CAMTA1: variants seen among roughly 807,000 people sequenced by gnomAD.
The protein encoded by CAMTA1 is calmodulin-binding transcription activator 1.
A neutral mutation model predicts 170.9 loss-of-function variants in CAMTA1; 27 were observed. The ratio of observed to expected loss-of-function variants is 0.16; its 90% CI spans 0.12 to 0.22. The LOEUF (loss-of-function observed/expected upper bound fraction) is 0.22. Among genes scored for constraint, CAMTA1 ranks in the 10% least tolerant of loss-of-function variants. CAMTA1 has a pLI of 1.00. For missense variants in CAMTA1, 1,619 were observed against 2,217.2 expected (o/e 0.73, Z 5.42); for synonymous variants, 833 against 891.5 (o/e 0.93, Z 1.17).
intron 6 of CAMTA1, among the ~76,000 whole-genome samples, chr1:7,597,422 G>A (rs77259728): frequency 4.2e-4 from 64 of 152,272 alleles, no homozygotes; most frequent in African/African-American, 1.5e-3. Flanking sequence ...CTCTGGCCCC[G>A]AGGCCTCCAC....
chr1:7,384,520 C>T (rs897728385), intron 5 of CAMTA1, among the ~76,000 whole-genome samples: 5 of 152,086 alleles, frequency 3.3e-5, no homozygotes, highest in African/African-American at 4.8e-5. Context: ...AATTTTTTGG[C>T]GAACAAGTAG....
chr1:7,511,524 T>TCTGTGG (rs1226579983), intron 6 of CAMTA1, among the ~76,000 whole-genome samples: 3 of 152,124 alleles, frequency 2.0e-5, no homozygotes, highest in Non-Finnish European at 4.4e-5. Flanking sequence ...CTGAGATATG[T>TCTGTGG]CTGTGGCTGT....
At chr1:7,424,412 A>T (rs1178958227) in intron 5 of CAMTA1, among the ~76,000 whole-genome samples, 3 of 138,376 alleles carry the variant, frequency 2.2e-5, no homozygotes, top group Non-Finnish European at 4.6e-5. Context: ...GGGGCCTTTC[A>T]TGAAGCAGCA....
intron 16 of CAMTA1, among the ~76,000 whole-genome samples, chr1:7,739,626 G>T (rs1196479693): frequency 6.6e-6 from 1 of 152,166 alleles, no homozygotes; most frequent in Admixed American, 6.5e-5. Context: ...TTATATGGTG[G>T]CAGGCAAGAG....
intron 3 of CAMTA1, among the ~76,000 whole-genome samples, chr1:6,959,827 T>C (rs1690073673): frequency 6.6e-6 from 1 of 152,158 alleles, no homozygotes. Context: ...AGGTCTGGCC[T>C]TCTGCAGCAC....
rs1371373629 is a variant in CAMTA1, at chr1:7,293,387, G to A, written c.438+43761G>A. 1.3e-5 allele frequency among the ~76,000 whole-genome samples: 2 copies of A among 152,172 alleles called. No homozygotes were observed. The highest frequency in any genetic ancestry group is 2.1e-4 in the South Asian group (1 of 4,832). ...CAGGGCTGGCATTTCTCTGGCACTC[G>A]GTGTGAGCAAAGCCCATTTGGTCGT... On this transcript the variant is annotated intron_variant, in intron 5 of 22. Coordinates refer to ENST00000303635, the MANE Select transcript of CAMTA1 (RefSeq NM_015215.4). This position sits in a 1 kb window ranked among gnomAD's most constrained non-coding sequence, Gnocchi z 4.1.
intron 5 of CAMTA1, among the ~76,000 whole-genome samples, chr1:7,417,781 G>C (rs1259371972): frequency 2.0e-5 from 3 of 152,066 alleles, no homozygotes; most frequent in Non-Finnish European, 2.9e-5. Context: ...CGCACCCACT[G>C]TCCTGCACCC....
At position 7,146,291 on chromosome 1, in the gene CAMTA1, A is replaced by T. The variant is rs1187420268; in HGVS notation, c.302+54920A>T. 1.3e-5 allele frequency among the ~76,000 whole-genome samples: 2 copies of T among 152,138 alleles called. No homozygotes were observed. The highest frequency in any genetic ancestry group is 4.8e-5 in the African/African-American group (2 of 41,428). ...CATGAGCCAGTCTCCCTCTTGGCTTATGTAGATCAACCAGAGCCTTGGGAT... is the reference window on the plus strand; with the variant it reads ...CATGAGCCAGTCTCCCTCTTGGCTTTTGTAGATCAACCAGAGCCTTGGGAT... On this transcript the variant is annotated intron_variant, in intron 4 of 22. Transcript: ENST00000303635. This position sits in a 1 kb window ranked among gnomAD's most constrained non-coding sequence, Gnocchi z 4.3.
chr1:6,982,451 C>T (rs1007734639), intron 3 of CAMTA1, among the ~76,000 whole-genome samples: 1 of 152,186 alleles, frequency 6.6e-6, no homozygotes, highest in Non-Finnish European at 1.5e-5. Context: ...CTCTCATTGC[C>T]TGTGACATGG....
In CAMTA1 at chr1:7,198,618, C is replaced by T. The variant is rs183522049; in HGVS notation, c.303-50873C>T. 2.0e-3 allele frequency among the ~76,000 whole-genome samples: 300 copies of T among 152,184 alleles called. 3 individuals are homozygous for T. The highest frequency in any genetic ancestry group is 0.014 in the South Asian group (69 of 4,808). ...CACTCATACCCCCTTGGCCACGCTG[C>T]GCTGGCTTCTTTGAGCCTCTGCTAA... is the stretch of plus-strand genomic sequence containing the variant. On this transcript the variant is annotated intron_variant, in intron 4 of 22. Coordinates refer to ENST00000303635, the MANE Select transcript of CAMTA1 (RefSeq NM_015215.4).
At chr1:7,716,482 CTA>C (rs2096610693) in intron 11 of CAMTA1, among the ~76,000 whole-genome samples, 1 of 152,076 alleles carries the variant, frequency 6.6e-6, no homozygotes, top group Non-Finnish European at 1.5e-5. Flanking sequence ...ACTTATTTAC[CTA>C]TATGTTTTCC....
intron 3 of CAMTA1, among the ~76,000 whole-genome samples, chr1:6,831,205 G>T (rs1319945528): frequency 6.6e-6 from 1 of 152,204 alleles, no homozygotes; most frequent in African/African-American, 2.4e-5. Flanking sequence ...GTACCTGTGT[G>T]TAACTTGAGC....
intron 1 of CAMTA1, among the ~76,000 whole-genome samples, chr1:6,785,824 G>A (rs1639075135): frequency 1.4e-5 from 2 of 143,284 alleles, no homozygotes; most frequent in South Asian, 4.3e-4. Flanking sequence ...GCTGGGGCCG[G>A]AGGGGGCGGG....
At position 7,257,070 on chromosome 1, in the gene CAMTA1, G is replaced by A. The variant is rs189355060; in HGVS notation, c.438+7444G>A. Among the ~76,000 whole-genome samples, 975 of 110,608 alleles carry A rather than the reference G, an allele frequency of 8.8e-3. 62 individuals are homozygous for A. Among genetic ancestry groups the A allele is most frequent in the Non-Finnish European group, 1.5e-3 (77 of 50,428 alleles). The allele number at this position is 110,608 out of a possible 152,430, so 72.6% of individuals were successfully genotyped here. A position where few individuals can be genotyped will look rare whatever the true frequency, so the allele number is the denominator to read the frequency against. ...CAAAGCCCCACTTCCACATACCATC[G>A]CATGGCGGGGGCGGGGGTTGGTTTT... On this transcript the variant is annotated intron_variant, in intron 5 of 22. Coordinates refer to ENST00000303635, the MANE Select transcript of CAMTA1 (RefSeq NM_015215.4).
intron 3 of CAMTA1, among the ~76,000 whole-genome samples, chr1:6,882,339 G>A (rs1344563113): frequency 3.9e-5 from 6 of 152,194 alleles, no homozygotes; most frequent in Non-Finnish European, 7.3e-5. Flanking sequence ...TTACAGAAAA[G>A]AGTTGTTGAT....
chr1:7,106,577 C>T (rs561559239), intron 4 of CAMTA1, among the ~76,000 whole-genome samples: 138 of 152,152 alleles, frequency 9.1e-4, no homozygotes, highest in African/African-American at 2.8e-3. Context: ...TTTTCAACTT[C>T]GGTGTCTTTC....
intron 4 of CAMTA1, among the ~76,000 whole-genome samples, chr1:7,211,110 C>T (rs533279349): frequency 1.3e-5 from 2 of 152,318 alleles, no homozygotes; most frequent in East Asian, 3.9e-4. Flanking sequence ...ATCTATTCAG[C>T]TATCCACCCA....
intron 18 of CAMTA1, 107 bp from the exon 19 acceptor site, chr1:7,747,603 C>G: frequency 1.6e-6 from 1 of 618,398 alleles, no homozygotes; most frequent in East Asian, 3.1e-5. Flanking sequence ...TTTGGTAAAC[C>G]TGGGATCTCA....
At chr1:7,125,186 T>C (rs1644862074) in intron 4 of CAMTA1, among the ~76,000 whole-genome samples, 2 of 152,110 alleles carry the variant, frequency 1.3e-5, no homozygotes, top group Non-Finnish European at 2.9e-5. Flanking sequence ...TGGGAATCAA[T>C]CTCTGACCAC....
Sources: allele counts gnomAD v4.1 joint callset (sites outside exome capture counted in the v4.1 genomes callset), GRCh38; gene constraint gnomAD v4.1.1; non-coding constraint Gnocchi (gnomAD v3.1); transcripts MANE v1.5; gene names NCBI Gene and HGNC (gene_info 2026-07-23, HGNC 2026-07-21).